The following USP24 variants were observed in gnomAD, a reference collection of about 807,000 sequenced individuals.
The protein encoded by USP24 is ubiquitin specific peptidase 24.
A neutral mutation model predicts 361.6 loss-of-function variants in USP24; 97 were observed. The ratio of observed to expected loss-of-function variants is 0.27; its 90% CI spans 0.23 to 0.32. The LOEUF (loss-of-function observed/expected upper bound fraction) is 0.32, where lower values mean the gene tolerates loss of function less well. USP24 is among the 10% of genes least tolerant of loss of function. The pLI is 1.00. For synonymous variants in USP24, 1,098 were observed against 1,124.6 expected, an observed-to-expected ratio of 0.98 and a Z score of 0.47; for missense variants, 2,353 against 3,165.6, an observed-to-expected ratio of 0.74 and a Z score of 6.16.
At chr1:55,107,166 C>T in intron 40 of USP24, 73 bp downstream of exon 40, 5 of 1,470,886 alleles carry the variant, frequency 3.4e-6, no homozygotes, top group East Asian at 2.4e-5. Context: ...TCTTATTTTC[C>T]CACTTACACA....
At chr1:55,129,599 T>C (rs780418656) in intron 31 of USP24, 25 bp from the exon 32 acceptor site, 30 of 1,584,634 alleles carry the variant, frequency 1.9e-5, no homozygotes, top group South Asian at 3.4e-5. Context: ...AGCACAATTA[T>C]TCATCCACAC....
intron 50 of USP24, 135 bp downstream of exon 50, chr1:55,096,363 T>G: frequency 1.4e-6 from 1 of 729,170 alleles, no homozygotes; most frequent in East Asian, 3.5e-5. Context: ...AGCTTGCTCA[T>G]GGTTCTATTG....
In USP24 at chr1:55,211,844, A is replaced by G. The variant is rs550460716; in HGVS notation, c.324+2946T>C. Reference sequence around the variant, plus strand: ...TATTCTGTTTTTCCCATTTTTAAAGAAGACAATGACACTGAAATGTCCTGT... The same window carrying G: ...TATTCTGTTTTTCCCATTTTTAAAGGAGACAATGACACTGAAATGTCCTGT... On this transcript the variant is annotated intron_variant, in intron 1 of 67. Transcript: ENST00000294383. Among the ~76,000 whole-genome samples, 28 of 152,394 alleles carry G rather than the reference A, an allele frequency of 1.8e-4. No individual in the cohort carries two copies. In the South Asian group the frequency reaches 5.6e-3, roughly 30 times the overall value.
chr1:55,173,359 A>C (rs556378218), intron 3 of USP24, among the ~76,000 whole-genome samples: 25 of 152,320 alleles, frequency 1.6e-4, no homozygotes, highest in Non-Finnish European at 3.4e-4. Context: ...ATCAAATATA[A>C]AACAATGGTA....
In USP24 at chr1:55,138,717, T is replaced by C. The variant is rs1436676494; in HGVS notation, c.2819A>G (p.Asp940Gly). ...LAERYVITIE[D>G]FYSVPRTILP... ...AATAGTTCGTGGAACAGAGTAAAAA[T>C]CCTTAAAAAACGAATAAGTCAAGTC... The change falls in exon 26 of 68, where the codon GAT (aspartate) becomes GGT (glycine). Residue 940 changes from aspartate (D) to glycine (G), a missense_variant and splice_region_variant. Asp to Gly is a moderately conservative substitution (Grantham distance 94). Around this residue, in one of 8 missense-constraint regions of USP24, gnomAD observed 949 missense variants for 1,280.5 expected, o/e 0.74. Coordinates refer to ENST00000294383, the MANE Select transcript of USP24 (RefSeq NM_015306.3). 3.7e-6 allele frequency: 6 copies of C among 1,609,740 alleles called. No individual in the cohort carries two copies. Among genetic ancestry groups the C allele is most frequent in the East Asian group, 2.2e-5 (1 of 44,780 alleles).
At chr1:55,211,834 A>T (rs1644852788) in intron 1 of USP24, among the ~76,000 whole-genome samples, 1 of 152,204 alleles carries the variant, frequency 6.6e-6, no homozygotes, top group Non-Finnish European at 1.5e-5. Flanking sequence ...TGTTTTTCCC[A>T]TTTTTAAAGA....
chr1:55,121,998 T>C (rs1646296466), intron 36 of USP24, among the ~76,000 whole-genome samples: 1 of 152,242 alleles, frequency 6.6e-6, no homozygotes, highest in South Asian at 2.1e-4. Flanking sequence ...TGAATATTTA[T>C]TTATTGAGAA....
intron 32 of USP24, 44 bp from the exon 33 acceptor site, chr1:55,125,802 T>C: frequency 6.8e-7 from 1 of 1,470,734 alleles, no homozygotes; most frequent in East Asian, 2.5e-5. Context: ...AGACTTCTAT[T>C]TTTTTTCATT....
At chr1:55,194,219 T>C (rs1644360554) in intron 1 of USP24, among the ~76,000 whole-genome samples, 1 of 152,242 alleles carries the variant, frequency 6.6e-6, no homozygotes. Context: ...CTTTCATCCT[T>C]AATTTTGTTG....
At chr1:55,195,201 C>T (rs928364489) in intron 1 of USP24, among the ~76,000 whole-genome samples, 1 of 152,190 alleles carries the variant, frequency 6.6e-6, no homozygotes, top group Non-Finnish European at 1.5e-5. Flanking sequence ...CAATCCATCA[C>T]AATATATGGT....
intron 8 of USP24, among the ~76,000 whole-genome samples, chr1:55,160,554 A>C (rs1648169923): frequency 6.6e-6 from 1 of 152,242 alleles, no homozygotes; most frequent in South Asian, 2.1e-4. Context: ...CAAGTAGTAG[A>C]GACAACTGTT....
chr1:55,098,400 C>G, intron 46 of USP24, 76 bp downstream of exon 46: 3 of 1,348,322 alleles, frequency 2.2e-6, no homozygotes, highest in Non-Finnish European at 3.1e-6. Flanking sequence ...TTAACAAATG[C>G]AAAATTTACA....
chr1:55,078,716 C>G, intron 60 of USP24, 65 bp from the exon 61 acceptor site: 1 of 1,256,654 alleles, frequency 8.0e-7, no homozygotes, highest in Non-Finnish European at 1.1e-6. Context: ...TCTGTTGTTG[C>G]TGCCTTTAAC....
rs764203819 is a variant in USP24, at chr1:55,153,860, A to G, written c.1860+10T>C. 9.4e-5 allele frequency: 146 copies of G among 1,550,118 alleles called. No individual in the cohort carries two copies. Among genetic ancestry groups the G allele is most frequent in the Admixed American group, 1.2e-4 (6 of 50,666 alleles). Reference sequence around the variant, plus strand: ...ATACCTTTTAGTTGGTTCCATCTGCAAATTCTTACCTTGAATCCATCCTTC... The same window carrying G: ...ATACCTTTTAGTTGGTTCCATCTGCGAATTCTTACCTTGAATCCATCCTTC... On this transcript the variant is annotated intron_variant, in intron 16 of 67. Transcript: ENST00000294383.
Position 55,146,977 on chromosome 1 carries a change from G to C in USP24, c.2202C>G (p.Ile734Met), listed in dbSNP as rs763008731. Reference protein sequence around the residue: ...LYLGWNRAKEIWECLVTGQDV... With the variant: ...LYLGWNRAKEMWECLVTGQDV... ...CCTGGCCAGTTACAAGACACTCCCA[G>C]ATCTCCTTGGCACGATTCCAGCCCA... The change falls in exon 19 of 68, where the codon ATC (isoleucine) becomes ATG (methionine). Residue 734 changes from isoleucine (I) to methionine (M), a missense_variant. Physicochemically the swap from Ile to Met is conservative, Grantham distance 10. Transcript: ENST00000294383. 3.1e-6 allele frequency: 5 copies of C among 1,611,132 alleles called. No homozygotes were observed. Among genetic ancestry groups the C allele is most frequent in the Non-Finnish European group, 4.2e-6 (5 of 1,178,650 alleles).
chr1:55,129,545 A>T lies in USP24; in HGVS notation c.3567T>A (p.Ala1189=). 5 of 1,613,902 alleles carry T rather than the reference A, an allele frequency of 3.1e-6. No individual in the cohort carries two copies. Among genetic ancestry groups the T allele is most frequent in the Non-Finnish European group, 4.2e-6 (5 of 1,179,806 alleles). The change falls in exon 32 of 68, where the codon GCT becomes GCA. Residue 1189 remains alanine, a synonymous_variant. Transcript: ENST00000294383. ...EVLSSKLMPT[A]DDDMARSCAK... is the part of the protein sequence containing the mutation. ...CACAGCTTCTGGCCATGTCATCATC[A>T]GCTGTTGGCATGAGTTTGGAGCTTA... is the stretch of plus-strand genomic sequence containing the variant.
intron 24 of USP24, 64 bp from the exon 25 acceptor site, chr1:55,139,074 A>G (rs1251595960): frequency 1.4e-6 from 2 of 1,429,524 alleles, no homozygotes; most frequent in African/African-American, 1.4e-5. Context: ...GCTCAGTTCT[A>G]GTCTGTTTCA....
chr1:55,133,656 GAGAC>G (rs1646656162), intron 30 of USP24, among the ~76,000 whole-genome samples: 1 of 84,024 alleles, frequency 1.2e-5, no homozygotes, highest in South Asian at 3.6e-4. Flanking sequence ...TTTTTTTTTT[GAGAC>G]AGGGTCTTGC....
chr1:55,107,563 G>T, intron 39 of USP24, 133 bp from the exon 40 acceptor site: 1 of 1,088,000 alleles, frequency 9.2e-7, no homozygotes, highest in Non-Finnish European at 1.3e-6. Flanking sequence ...TATCATTAAG[G>T]CCAGGCGAGC....
Sources: gnomAD v4.1 joint callset for allele counts (sites outside exome capture counted in the v4.1 genomes callset) on GRCh38, gnomAD v4.1.1 for gene constraint, gnomAD v4.1.1 regional missense constraint, MANE v1.5 for transcripts, NCBI Gene and HGNC (gene_info 2026-07-23, HGNC 2026-07-21) for gene names.